The following LHFPL3 variants were observed in gnomAD, a reference collection of about 807,000 sequenced individuals.
The protein encoded by LHFPL3 is LHFPL tetraspan subfamily member 3 protein.
In LHFPL3, 5 loss-of-function variants were observed where a neutral mutation model predicts 19.3. That is an observed-to-expected ratio of 0.26 (90% CI 0.14 to 0.54). The LOEUF is 0.54. LHFPL3 is among the 20% of genes least tolerant of loss of function. The pLI, the probability that LHFPL3 is intolerant of heterozygous loss-of-function variation, is 0.94. For missense variants in LHFPL3, 249 were observed against 307.4 expected, an observed-to-expected ratio of 0.81 and a Z score of 1.42; for synonymous variants, 133 against 126.2, an observed-to-expected ratio of 1.05 and a Z score of -0.36.
At chr7:104,479,669 G>T (rs1562910587) in intron 1 of LHFPL3, among the ~76,000 whole-genome samples, 1 of 152,160 alleles carries the variant, frequency 6.6e-6, no homozygotes, top group South Asian at 2.1e-4. Flanking sequence ...TGGGATTACA[G>T]GCATGAGCCA....
At chr7:104,809,459 A>G (rs1790425331) in intron 2 of LHFPL3, among the ~76,000 whole-genome samples, 1 of 152,190 alleles carries the variant, frequency 6.6e-6, no homozygotes, top group Non-Finnish European at 1.5e-5. Context: ...CCTTTGAGGC[A>G]CTCAACCTGG....
Position 104,352,444 on chromosome 7 carries a change from C to T in LHFPL3, c.445+23220C>T, listed in dbSNP as rs542571546. ...TTCTCAGCACTCTAACCACTTTCCCCGCTTTTTTAAAGCAGGTCTTTAATA... is the reference window on the plus strand; with the variant it reads ...TTCTCAGCACTCTAACCACTTTCCCTGCTTTTTTAAAGCAGGTCTTTAATA... On this transcript the variant is annotated intron_variant, in intron 1 of 2. Coordinates refer to ENST00000424859, the MANE Select transcript of LHFPL3 (RefSeq NM_199000.3). 1.9e-4 allele frequency among the ~76,000 whole-genome samples: 29 copies of T among 152,214 alleles called. No individual in the cohort carries two copies. The South Asian group carries it at 4.8e-3, about 25-fold the overall frequency.
intron 1 of LHFPL3, among the ~76,000 whole-genome samples, chr7:104,414,934 T>C (rs1791594009): frequency 6.6e-6 from 1 of 152,208 alleles, no homozygotes; most frequent in African/African-American, 2.4e-5. Context: ...GATTTAATGG[T>C]AGTTAGCATT....
At chr7:104,776,827 T>C (rs1470091321) in intron 2 of LHFPL3, among the ~76,000 whole-genome samples, 1 of 152,166 alleles carries the variant, frequency 6.6e-6, no homozygotes, top group East Asian at 1.9e-4. Flanking sequence ...GGTAACAAAC[T>C]CTACATTGTA....
At chr7:104,809,880 G>A (rs1790432883) in intron 2 of LHFPL3, among the ~76,000 whole-genome samples, 1 of 152,158 alleles carries the variant, frequency 6.6e-6, no homozygotes, top group South Asian at 2.1e-4. Flanking sequence ...GAGTGAGATG[G>A]ACATAGTTCC....
At chr7:104,881,800 C>T (rs1438855172) in intron 2 of LHFPL3, among the ~76,000 whole-genome samples, 2 of 152,166 alleles carry the variant, frequency 1.3e-5, no homozygotes, top group African/African-American at 2.4e-5. Context: ...AGGAAACTTC[C>T]TTGTGGTCTT....
intron 1 of LHFPL3, among the ~76,000 whole-genome samples, chr7:104,708,086 G>T (rs995968810): frequency 6.6e-6 from 1 of 152,174 alleles, no homozygotes; most frequent in African/African-American, 2.4e-5. Context: ...GCTTTCAAAG[G>T]CCAGCTTGTA....
intron 2 of LHFPL3, among the ~76,000 whole-genome samples, chr7:104,832,724 C>A (rs1348734599): frequency 6.8e-6 from 1 of 147,938 alleles, no homozygotes; most frequent in Admixed American, 6.9e-5. Context: ...CTCCTGTAAT[C>A]CCAGCACTTT....
chr7:104,587,117 G>A (rs899623337), intron 1 of LHFPL3, among the ~76,000 whole-genome samples: 2 of 151,562 alleles, frequency 1.3e-5, no homozygotes, highest in Admixed American at 6.6e-5. Flanking sequence ...TTTATTTTAT[G>A]TATTTATGTA....
intron 2 of LHFPL3, among the ~76,000 whole-genome samples, chr7:104,843,337 C>T (rs1192006374): frequency 2.0e-5 from 3 of 152,302 alleles, no homozygotes; most frequent in Non-Finnish European, 4.4e-5. Context: ...CTTCCACCTC[C>T]GTGGTGGAAG....
In LHFPL3 at chr7:104,906,854, G is replaced by C. The variant is rs1462619952; in HGVS notation, c.*639G>C. The stretch of plus-strand genomic sequence containing the variant: ...AAACTTTTTACCAAGTCTGTGTTCT[G>C]TTTAATCTGTCCATACAAGTTATTA... On this transcript the variant is annotated 3_prime_UTR_variant, in exon 3 of 3. Transcript: ENST00000424859. The C allele has an allele frequency of 6.6e-6, 1 of 152,656 alleles. No individual in the cohort carries two copies. The highest frequency in any genetic ancestry group is 1.9e-4 in the East Asian group (1 of 5,208). The allele number at this position is 152,656 out of a possible 1,614,324, so 9.5% of individuals were successfully genotyped here.
intron 1 of LHFPL3, among the ~76,000 whole-genome samples, chr7:104,486,603 AC>A (rs1471141893): frequency 6.6e-6 from 1 of 152,132 alleles, no homozygotes; most frequent in East Asian, 1.9e-4. Context: ...TAATACCATA[AC>A]CCTGGGATTA....
chr7:104,839,628 C>T (rs1791157776), intron 2 of LHFPL3, among the ~76,000 whole-genome samples: 1 of 151,916 alleles, frequency 6.6e-6, no homozygotes, highest in Non-Finnish European at 1.5e-5. Flanking sequence ...AAGATCGTGC[C>T]ACTGCACTCT....
chr7:104,565,665 CAGTT>C (rs537208702), intron 1 of LHFPL3, among the ~76,000 whole-genome samples: 121 of 151,788 alleles, frequency 8.0e-4, no homozygotes, highest in African/African-American at 2.6e-3. Flanking sequence ...TACTGGATAA[CAGTT>C]AGACTTTTTT....
chr7:104,655,621 T>C (rs1792107716), intron 1 of LHFPL3, among the ~76,000 whole-genome samples: 1 of 152,224 alleles, frequency 6.6e-6, no homozygotes, highest in Admixed American at 6.5e-5. Flanking sequence ...GTAGGGAATT[T>C]TGTTACAAGA....
At chr7:104,349,459 T>A (rs1170528797) in intron 1 of LHFPL3, among the ~76,000 whole-genome samples, 1 of 152,226 alleles carries the variant, frequency 6.6e-6, no homozygotes, top group Non-Finnish European at 1.5e-5. Flanking sequence ...ACCCCAGACA[T>A]ACAAGGGAGC....
intron 1 of LHFPL3, among the ~76,000 whole-genome samples, chr7:104,533,879 G>A (rs1306501665): frequency 6.6e-6 from 1 of 152,102 alleles, no homozygotes; most frequent in Non-Finnish European, 1.5e-5. Context: ...ATGAGGTCTT[G>A]GAAGAAAACT....
intron 2 of LHFPL3, among the ~76,000 whole-genome samples, chr7:104,838,093 A>AACTT (rs1791131769): frequency 6.6e-6 from 1 of 152,210 alleles, no homozygotes; most frequent in Non-Finnish European, 1.5e-5. Flanking sequence ...TTACGGGTAT[A>AACTT]ACTTACCTCA....
chr7:104,547,361 T>C (rs928272246), intron 1 of LHFPL3, among the ~76,000 whole-genome samples: 8 of 151,766 alleles, frequency 5.3e-5, no homozygotes, highest in Non-Finnish European at 8.8e-5. Context: ...GTGTAGATAG[T>C]TGCATTGGTT....
Sources: allele counts gnomAD v4.1 joint callset (sites outside exome capture counted in the v4.1 genomes callset), GRCh38; gene constraint gnomAD v4.1.1; transcripts MANE v1.5; gene names NCBI Gene and HGNC (gene_info 2026-07-23, HGNC 2026-07-21).